The following NIPSNAP3B variants were observed in gnomAD, a reference collection of about 807,000 sequenced individuals.
NIPSNAP3B encodes the protein nipsnap homolog 3B.
A neutral mutation model predicts 31.5 loss-of-function variants in NIPSNAP3B; 30 were observed. That is an observed-to-expected ratio of 0.95 (90% CI 0.71 to 1.29). The LOEUF (loss-of-function observed/expected upper bound fraction) is 1.29, where lower values mean the gene tolerates loss of function less well. NIPSNAP3B is among the 50% of genes most tolerant of loss of function. The pLI is 0.00. For missense variants in NIPSNAP3B, 269 were observed against 300.7 expected, an observed-to-expected ratio of 0.89 and a Z score of 0.78; for synonymous variants, 106 against 107.9, an observed-to-expected ratio of 0.98 and a Z score of 0.11.
chr9:104,764,564 GA>G (rs1828050713), intron 1 of NIPSNAP3B, among the ~76,000 whole-genome samples: 2 of 152,208 alleles, frequency 1.3e-5, no homozygotes, highest in Admixed American at 6.5e-5. Context: ...TTTTGAGACG[GA>G]GTCTCGCTCT....
the NIPSNAP3B span, chr9:104,784,530 A>G: frequency 6.3e-7 from 1 of 1,585,248 alleles, no homozygotes; most frequent in East Asian, 2.2e-5. Flanking sequence ...CTATTTTTCC[A>G]GATGTTGAAA....
intron 1 of NIPSNAP3B, among the ~76,000 whole-genome samples, chr9:104,764,713 T>G (rs1367459902): frequency 1.3e-5 from 2 of 152,038 alleles, no homozygotes; most frequent in East Asian, 3.9e-4. Context: ...CTAATTTTTT[T>G]TGTGTTTACT....
Position 104,773,356 on chromosome 9 carries a change from G to T in NIPSNAP3B, c.*283G>T. On this transcript the variant is annotated 3_prime_UTR_variant, in exon 6 of 6. Coordinates refer to ENST00000374762, the MANE Select transcript of NIPSNAP3B (RefSeq NM_018376.4). ...TCATTTGTTTTAGAATACCTCTTCT[G>T]TATTTTGATAACTCATTGCTTTATA... 3.2e-6 allele frequency: 1 copy of T among 310,786 alleles called. No individual in the cohort carries two copies. The highest frequency in any genetic ancestry group is 5.9e-6 in the Non-Finnish European group (1 of 168,790). The allele number at this position is 310,786 out of a possible 1,614,324, so 19.3% of individuals were successfully genotyped here. A position where few individuals can be genotyped will look rare whatever the true frequency, so the allele number is the denominator to read the frequency against.
the NIPSNAP3B span, chr9:104,788,655 C>G: frequency 6.8e-7 from 1 of 1,476,696 alleles, no homozygotes; most frequent in Non-Finnish European, 9.4e-7. Flanking sequence ...GTAAAGTATG[C>G]TTCTCCATTA....
At chr9:104,765,043 A>G (rs1352187091) in intron 1 of NIPSNAP3B, among the ~76,000 whole-genome samples, 1 of 152,182 alleles carries the variant, frequency 6.6e-6, no homozygotes, top group Non-Finnish European at 1.5e-5. Context: ...GCAGTTTTTT[A>G]TTTTCAGAAT....
chr9:104,784,667 TGGGG>T, the NIPSNAP3B span, among the ~76,000 whole-genome samples: 1 of 152,118 alleles, frequency 6.6e-6, no homozygotes, highest in African/African-American at 2.4e-5. Context: ...CCCCTTGAAA[TGGGG>T]TCTTGCTCTG....
At chr9:104,772,345 C>T (rs1828241750) in intron 4 of NIPSNAP3B, among the ~76,000 whole-genome samples, 1 of 151,686 alleles carries the variant, frequency 6.6e-6, no homozygotes, top group Non-Finnish European at 1.5e-5. Context: ...CACATTGTTG[C>T]AGCATTTTAA....
the NIPSNAP3B span, chr9:104,788,087 T>C: frequency 1.2e-6 from 2 of 1,610,768 alleles, no homozygotes; most frequent in Non-Finnish European, 1.7e-6. Context: ...GACTTTGGTC[T>C]GGCTTGGGAA....
At chr9:104,778,826 T>A (rs574843173), downstream of NIPSNAP3B, among the ~76,000 whole-genome samples, 6 of 152,334 alleles carry the variant, frequency 3.9e-5, no homozygotes, top group East Asian at 1.2e-3. Flanking sequence ...GTGTTCTTTC[T>A]GAAACAGTAG....
the NIPSNAP3B span, chr9:104,788,328 G>A: frequency 6.4e-7 from 1 of 1,564,144 alleles, no homozygotes; most frequent in Non-Finnish European, 8.8e-7. Context: ...GCATTCATGA[G>A]GAAAAACAGC....
intron 3 of NIPSNAP3B, 111 bp from the exon 4 acceptor site, chr9:104,770,738 C>T (rs1455886901): frequency 1.5e-5 from 13 of 857,090 alleles, no homozygotes; most frequent in Non-Finnish European, 2.3e-5. Context: ...TGTATGTATA[C>T]ATGGATTATC....
chr9:104,772,662 C>A (rs1053438614), intron 4 of NIPSNAP3B, among the ~76,000 whole-genome samples, 160 bp from the exon 5 acceptor site: 3 of 152,136 alleles, frequency 2.0e-5, no homozygotes, highest in Admixed American at 1.3e-4. Flanking sequence ...AATTTATCTT[C>A]CAAATTTCTG....
intron 3 of NIPSNAP3B, 114 bp from the exon 4 acceptor site, chr9:104,770,735 A>G: frequency 1.2e-6 from 1 of 818,668 alleles, no homozygotes; most frequent in Non-Finnish European, 2.0e-6. Flanking sequence ...ATATGTATGT[A>G]TACATGGATT....
Position 104,777,138 on chromosome 9 carries a change from A to G in NIPSNAP3B, c.*4065A>G, listed in dbSNP as rs1362127444. On this transcript the variant is annotated 3_prime_UTR_variant, in exon 6 of 6. Transcript: ENST00000374762. Reference sequence around the variant, plus strand: ...GAATTGTATTTTCAGGAAGAGAAACAGATATGCAACCAATCTGATTTGGTT... The same window carrying G: ...GAATTGTATTTTCAGGAAGAGAAACGGATATGCAACCAATCTGATTTGGTT... 1 of 152,246 alleles carries G rather than the reference A, an allele frequency of 6.6e-6. No individual in the cohort carries two copies. The highest frequency in any genetic ancestry group is 6.5e-5 in the Admixed American group (1 of 15,288). The allele number at this position is 152,246 out of a possible 1,614,324, so 9.4% of individuals were successfully genotyped here. A position where few individuals can be genotyped will look rare whatever the true frequency, so the allele number is the denominator to read the frequency against.
the NIPSNAP3B span, chr9:104,783,093 G>A: frequency 7.2e-5 from 11 of 152,548 alleles, no homozygotes; most frequent in Admixed American, 1.3e-4. Context: ...CAAATATAAT[G>A]TCATGAGATC....
In NIPSNAP3B at chr9:104,766,543, G is replaced by A. The variant is rs1588166247; in HGVS notation, c.271+8G>A. Reference sequence around the variant, plus strand: ...TTCATATTTGGAAGTATGGTAAAGAGTCATCCAGTTTTAGTATTCAGTATA... The same window carrying A: ...TTCATATTTGGAAGTATGGTAAAGAATCATCCAGTTTTAGTATTCAGTATA... On this transcript the variant is annotated splice_region_variant and intron_variant, in intron 2 of 5. Transcript: ENST00000374762. 6 of 1,608,940 alleles carry A rather than the reference G, an allele frequency of 3.7e-6. No individual in the cohort carries two copies. Among genetic ancestry groups the A allele is most frequent in the Non-Finnish European group, 5.1e-6 (6 of 1,176,250 alleles).
rs541228790 is a variant in NIPSNAP3B at position 104,775,399 on chromosome 9, G to A, written c.*2326G>A. Among the ~76,000 whole-genome samples the A allele has an allele frequency of 4.0e-4, 61 of 151,950 alleles. 1 individual carries two copies. The South Asian group carries it at 0.012, about 29-fold the overall frequency. On this transcript the variant is annotated 3_prime_UTR_variant, in exon 6 of 6. Transcript: ENST00000374762. ...AGCAGTTGACCTCTCCTTTCTTCTG[G>A]GAAGTTTCTTCGTTTCTCCGAAACA...
chr9:104,764,380 A>C, intron 1 of NIPSNAP3B, 80 bp downstream of exon 1: 1 of 1,262,312 alleles, frequency 7.9e-7, no homozygotes, highest in Non-Finnish European at 1.1e-6. Flanking sequence ...CGTGCGAGCC[A>C]CGCTCAGGCG....
intron 1 of NIPSNAP3B, among the ~76,000 whole-genome samples, chr9:104,764,508 G>T (rs1434766359): frequency 6.6e-6 from 1 of 152,212 alleles, no homozygotes; most frequent in Non-Finnish European, 1.5e-5. Context: ...GCTGTCAGAG[G>T]GGTTTTCTAA....
Sources: gnomAD v4.1 joint callset for allele counts (sites outside exome capture counted in the v4.1 genomes callset) on GRCh38, gnomAD v4.1.1 for gene constraint, MANE v1.5 for transcripts, NCBI Gene and HGNC (gene_info 2026-07-23, HGNC 2026-07-21) for gene names.